Variants in PRR16 observed in about 807,000 individuals in gnomAD.
PRR16 encodes proline rich 16, also known as protein Largen.
Under a neutral mutation model 18.2 loss-of-function variants are expected in PRR16, and 6 were observed. The observed-to-expected ratio is 0.33, with a 90% CI of 0.18 to 0.65. PRR16 has a LOEUF of 0.65. Among genes scored for constraint, PRR16 ranks in the 30% least tolerant of loss-of-function variants. The pLI is 0.74. For missense variants in PRR16, 412 were observed against 376.6 expected, an observed-to-expected ratio of 1.09 and a Z score of -0.78; for synonymous variants, 151 against 147.8, an observed-to-expected ratio of 1.02 and a Z score of -0.16.
the PRR16 span, among the ~76,000 whole-genome samples, chr5:120,727,341 C>T: frequency 6.6e-6 from 1 of 151,988 alleles, no homozygotes; most frequent in Non-Finnish European, 1.5e-5. Context: ...TTGGTGTCTT[C>T]CGAAGAATCT....
intron 1 of PRR16, among the ~76,000 whole-genome samples, chr5:120,479,723 GT>G (rs11333124): frequency 0.31 from 46,743 of 151,546 alleles, 8,278 homozygotes; most frequent in African/African-American, 0.49. Context: ...GCCGTTTACT[GT>G]TTTTTTTAAA....
intron 1 of PRR16, chr5:120,531,689 A>T (rs1423125955): frequency 2.0e-5 from 3 of 152,066 alleles, no homozygotes; most frequent in Non-Finnish European, 2.9e-5. Flanking sequence ...CACTATCTAA[A>T]TGATACTTCA....
At chr5:120,688,409 A>G (rs772581478), downstream of PRR16, among the ~76,000 whole-genome samples, 1 of 152,204 alleles carries the variant, frequency 6.6e-6, no homozygotes, top group African/African-American at 2.4e-5. Flanking sequence ...CATAATCAAG[A>G]AAGACCATAA....
chr5:120,643,246 A>T (rs1439212848), intron 1 of PRR16, among the ~76,000 whole-genome samples: 3 of 151,942 alleles, frequency 2.0e-5, no homozygotes, highest in Non-Finnish European at 4.4e-5. Flanking sequence ...GAGACCCACA[A>T]ATTGGATGTG....
chr5:120,570,297 G>A (rs548761067), intron 1 of PRR16, among the ~76,000 whole-genome samples: 3 of 152,138 alleles, frequency 2.0e-5, no homozygotes, highest in African/African-American at 7.2e-5. Flanking sequence ...TCCTAGGTCT[G>A]GCACCATCCT....
intron 1 of PRR16, among the ~76,000 whole-genome samples, chr5:120,476,698 C>G (rs1749453270): frequency 6.6e-6 from 1 of 152,084 alleles, no homozygotes; most frequent in African/African-American, 2.4e-5. Context: ...TGTTTTCTCT[C>G]TCCCCTAAAT....
chr5:120,597,967 A>C (rs1406499866), intron 1 of PRR16, among the ~76,000 whole-genome samples: 2 of 151,846 alleles, frequency 1.3e-5, no homozygotes, highest in African/African-American at 4.8e-5. Context: ...GTCTCCCAGT[A>C]ATGAATATGG....
At chr5:120,778,980 A>G in the PRR16 span, among the ~76,000 whole-genome samples, 1 of 152,160 alleles carries the variant, frequency 6.6e-6, no homozygotes, top group Non-Finnish European at 1.5e-5. Context: ...AACAAGGAGG[A>G]GGGAGAAATG....
the PRR16 span, among the ~76,000 whole-genome samples, chr5:120,753,076 G>A: frequency 1.4e-4 from 21 of 152,066 alleles, no homozygotes; most frequent in African/African-American, 4.6e-4. Context: ...ATATGACTTT[G>A]GTTTTGAGCA....
At chr5:120,775,896 C>T in the PRR16 span, among the ~76,000 whole-genome samples, 1 of 150,142 alleles carries the variant, frequency 6.7e-6, no homozygotes, top group African/African-American at 2.5e-5. Context: ...GATACACCCA[C>T]CTTGGTCTCC....
chr5:120,663,553 T>C (rs915280584), intron 1 of PRR16, among the ~76,000 whole-genome samples: 1 of 152,196 alleles, frequency 6.6e-6, no homozygotes, highest in Non-Finnish European at 1.5e-5. Flanking sequence ...TTTCCTTTGT[T>C]ATTACTTCCT....
the PRR16 span, among the ~76,000 whole-genome samples, chr5:120,738,211 G>A: frequency 1.3e-5 from 2 of 152,028 alleles, no homozygotes; most frequent in East Asian, 3.8e-4. Flanking sequence ...CTTTTGTAAA[G>A]CATTGCTCCT....
intron 1 of PRR16, among the ~76,000 whole-genome samples, chr5:120,490,084 C>T (rs369192933): frequency 6.6e-6 from 1 of 152,008 alleles, no homozygotes; most frequent in Non-Finnish European, 1.5e-5. Flanking sequence ...TGCCCTTAAC[C>T]TTTTTTCCTT....
At chr5:120,564,011 C>T (rs568648978) in intron 1 of PRR16, among the ~76,000 whole-genome samples, 1 of 152,130 alleles carries the variant, frequency 6.6e-6, no homozygotes, top group South Asian at 2.1e-4. Context: ...GGCAGTGAGT[C>T]CCTTTTGGCC....
At chr5:120,657,679 G>A (rs1190014985) in intron 1 of PRR16, among the ~76,000 whole-genome samples, 3 of 151,868 alleles carry the variant, frequency 2.0e-5, no homozygotes, top group African/African-American at 7.3e-5. Flanking sequence ...CAGAGGAAGG[G>A]AAAAGGAAGA....
intron 1 of PRR16, among the ~76,000 whole-genome samples, chr5:120,599,051 T>C (rs1450953878): frequency 6.6e-6 from 1 of 151,908 alleles, no homozygotes; most frequent in Non-Finnish European, 1.5e-5. Context: ...GTTCTTGTAA[T>C]ATGTTTAGTC....
intron 1 of PRR16, among the ~76,000 whole-genome samples, chr5:120,529,225 A>G (rs947808651): frequency 1.3e-5 from 2 of 152,166 alleles, no homozygotes; most frequent in Admixed American, 1.3e-4. Context: ...ATAAAGATAA[A>G]TATGACATGA....
Position 120,505,039 on chromosome 5 carries a change from TG to T in PRR16, c.159+40398del, listed in dbSNP as rs779976149. On this transcript the variant is annotated intron_variant, in intron 1 of 1. Coordinates refer to ENST00000407149, the MANE Select transcript of PRR16 (RefSeq NM_001300783.2). ...GTTCCTGGACATTTGGAATATAATC[TG>T]GGGAATCATGCTATATTTCAATCAT... Among the ~76,000 whole-genome samples the T allele has an allele frequency of 3.3e-5, 5 of 152,170 alleles. No homozygotes were observed. The East Asian group carries it at 5.8e-4, about 18-fold the overall frequency.
the PRR16 span, among the ~76,000 whole-genome samples, chr5:120,771,455 A>ATC: frequency 6.6e-6 from 1 of 152,090 alleles, no homozygotes; most frequent in Non-Finnish European, 1.5e-5. Flanking sequence ...AGTTTACATC[A>ATC]TCATCCCTTT....
Sources: allele counts gnomAD v4.1 joint callset (sites outside exome capture counted in the v4.1 genomes callset), GRCh38; gene constraint gnomAD v4.1.1; transcripts MANE v1.5; gene names NCBI Gene and HGNC (gene_info 2026-07-23, HGNC 2026-07-21).